The following CEP63 variants were observed in gnomAD, a reference collection of about 807,000 sequenced individuals.
The protein encoded by CEP63 is centrosomal protein 63, also known as centrosomal protein of 63 kDa.
CEP63 carries 84 observed loss-of-function variants against 89.1 expected under a neutral mutation model. That is an observed-to-expected ratio of 0.94 (90% CI 0.79 to 1.13). CEP63 has a LOEUF of 1.13. Ranked by LOEUF, CEP63 falls within the 50% of genes most tolerant of loss-of-function variation. The pLI, the probability that CEP63 is intolerant of heterozygous loss-of-function variation, is 0.00. For synonymous variants in CEP63, 267 were observed against 272.5 expected (o/e 0.98, Z 0.20); for missense variants, 838 against 813.3 (o/e 1.03, Z -0.37).
At chr3:134,613,984 C>T in the CEP63 span, among the ~76,000 whole-genome samples, 17 of 152,072 alleles carry the variant, frequency 1.1e-4, 1 homozygote, top group African/African-American at 2.2e-4. Flanking sequence ...CACCATACAA[C>T]GCAACACAAT....
chr3:134,570,316 C>T (rs1426389426), intron 11 of CEP63, among the ~76,000 whole-genome samples: 1 of 152,194 alleles, frequency 6.6e-6, no homozygotes, highest in African/African-American at 2.4e-5. Flanking sequence ...CTTTTATGCT[C>T]TGTTTCTCAT....
chr3:134,621,624 C>T, the CEP63 span, among the ~76,000 whole-genome samples: 5 of 152,164 alleles, frequency 3.3e-5, no homozygotes, highest in African/African-American at 7.2e-5. Context: ...CAGAAGAAAA[C>T]ACTGGGGTTA....
downstream of CEP63, among the ~76,000 whole-genome samples, chr3:134,587,967 A>G (rs1428268258): frequency 6.6e-6 from 1 of 152,204 alleles, no homozygotes; most frequent in East Asian, 1.9e-4. Flanking sequence ...TTCCACCCCA[A>G]AATGTCAGAA....
At chr3:134,733,978 C>T in the CEP63 span, among the ~76,000 whole-genome samples, 1 of 152,008 alleles carries the variant, frequency 6.6e-6, no homozygotes, top group African/African-American at 2.4e-5. Flanking sequence ...GCAAAGATGC[C>T]CACTAACTTC....
the CEP63 span, among the ~76,000 whole-genome samples, chr3:134,757,847 A>G: frequency 2.7e-4 from 41 of 152,244 alleles, no homozygotes; most frequent in Non-Finnish European, 5.3e-4. Context: ...AGGGAGGAGC[A>G]AAGTTCTGAG....
At chr3:134,594,856 C>T in the CEP63 span, among the ~76,000 whole-genome samples, 1 of 152,216 alleles carries the variant, frequency 6.6e-6, no homozygotes, top group Non-Finnish European at 1.5e-5. Flanking sequence ...ACACACTCAG[C>T]CTAGGCTCCT....
At chr3:134,607,428 C>T in the CEP63 span, 2 of 985,646 alleles carry the variant, frequency 2.0e-6, no homozygotes, top group Non-Finnish European at 2.4e-6. Context: ...CACCCACAGG[C>T]ACCCTGTGCT....
At chr3:134,489,098 TTG>T (rs1936745666) in intron 1 of CEP63, among the ~76,000 whole-genome samples, 1 of 149,842 alleles carries the variant, frequency 6.7e-6, no homozygotes, top group Non-Finnish European at 1.5e-5. Context: ...GAGGTGGAGG[TTG>T]CAGTGAGCCG....
the CEP63 span, among the ~76,000 whole-genome samples, chr3:134,660,663 A>G: frequency 6.6e-6 from 1 of 152,144 alleles, no homozygotes; most frequent in Non-Finnish European, 1.5e-5. Flanking sequence ...TCCTGCTCTC[A>G]AGGAGCTCTC....
the CEP63 span, among the ~76,000 whole-genome samples, chr3:134,680,563 A>G: frequency 6.6e-6 from 1 of 152,316 alleles, no homozygotes; most frequent in South Asian, 2.1e-4. Context: ...GTCAAGACAT[A>G]TGACTTTAAG....
At chr3:134,686,968 G>A in the CEP63 span, among the ~76,000 whole-genome samples, 1 of 152,158 alleles carries the variant, frequency 6.6e-6, no homozygotes, top group Non-Finnish European at 1.5e-5. Flanking sequence ...AGAGTCTGAA[G>A]GGCCTTCCCC....
the CEP63 span, among the ~76,000 whole-genome samples, chr3:134,699,220 A>G: frequency 1 from 152,252 of 152,364 alleles, 76,073 homozygotes; most frequent in Middle Eastern, 1. Flanking sequence ...ATGTGCTTAA[A>G]CAGTTGTTAA....
chr3:134,684,183 C>A, the CEP63 span, among the ~76,000 whole-genome samples: 32 of 152,280 alleles, frequency 2.1e-4, 1 homozygote, highest in African/African-American at 7.0e-4. Flanking sequence ...TTGAGAACAT[C>A]TTTTGGGTTG....
At position 134,494,430 on chromosome 3, in the gene CEP63, T is replaced by C. The variant is rs569606362; in HGVS notation, c.-25-866T>C. On this transcript the variant is annotated intron_variant, in intron 1 of 14. Transcript: ENST00000675561. ...GCACCCAACTGTATCTTGCTGTTTATATGGCAGTCTTCTATCTCCCGTTCC... is the reference window on the plus strand; with the variant it reads ...GCACCCAACTGTATCTTGCTGTTTACATGGCAGTCTTCTATCTCCCGTTCC... Among the ~76,000 whole-genome samples the C allele has an allele frequency of 1.2e-4, 19 of 152,236 alleles. 2 individuals carry two copies. The South Asian group carries it at 3.7e-3, about 30-fold the overall frequency.
At chr3:134,723,199 A>G in the CEP63 span, among the ~76,000 whole-genome samples, 4 of 152,182 alleles carry the variant, frequency 2.6e-5, no homozygotes, top group Non-Finnish European at 4.4e-5. Context: ...CACCCTTGGC[A>G]TAGTCTCCTT....
the CEP63 span, among the ~76,000 whole-genome samples, chr3:134,647,264 A>G: frequency 6.6e-6 from 1 of 152,170 alleles, no homozygotes; most frequent in Non-Finnish European, 1.5e-5. Context: ...ACTCCAGGGA[A>G]CACTTCCCAC....
chr3:134,575,681 G>A (rs1312256001), downstream of CEP63, among the ~76,000 whole-genome samples: 4 of 148,260 alleles, frequency 2.7e-5, no homozygotes, highest in Admixed American at 6.7e-5. Context: ...GCATAATCAC[G>A]GCTCACTGCA....
At chr3:134,640,844 CAAT>C in the CEP63 span, among the ~76,000 whole-genome samples, 1 of 152,230 alleles carries the variant, frequency 6.6e-6, no homozygotes, top group Admixed American at 6.5e-5. Flanking sequence ...TGGATTATCA[CAAT>C]GCCTCTTAAG....
chr3:134,655,172 C>T, the CEP63 span, among the ~76,000 whole-genome samples: 3 of 151,954 alleles, frequency 2.0e-5, no homozygotes, highest in African/African-American at 7.3e-5. Flanking sequence ...TGTATTCCAG[C>T]CAGACCCCCT....
Sources: allele counts gnomAD v4.1 joint callset (sites outside exome capture counted in the v4.1 genomes callset), GRCh38; gene constraint gnomAD v4.1.1; transcripts MANE v1.5; gene names NCBI Gene and HGNC (gene_info 2026-07-23, HGNC 2026-07-21).